The following BICRAL variants were observed in gnomAD, a reference collection of about 807,000 sequenced individuals.
BICRAL encodes BRD4-interacting chromatin-remodeling complex-associated protein-like.
In BICRAL, 8 loss-of-function variants were observed where a neutral mutation model predicts 91.8. The observed-to-expected ratio is 0.09, with a 90% CI of 0.05 to 0.16. The LOEUF (loss-of-function observed/expected upper bound fraction) is 0.16. BICRAL is among the 10% of genes least tolerant of loss of function. BICRAL has a pLI of 1.00. For missense variants in BICRAL, 1,038 were observed against 1,310.9 expected, an observed-to-expected ratio of 0.79 and a Z score of 3.21; for synonymous variants, 445 against 491.1, an observed-to-expected ratio of 0.91 and a Z score of 1.24.
intron 6 of BICRAL, among the ~76,000 whole-genome samples, chr6:42,850,045 A>G (rs1765130529): frequency 6.7e-6 from 1 of 149,936 alleles, no homozygotes; most frequent in South Asian, 2.1e-4. Flanking sequence ...TCAATAAATA[A>G]ATAAAATAAA....
At chr6:42,756,921 C>CG (rs1762471030) in intron 1 of BICRAL, among the ~76,000 whole-genome samples, 1 of 44,516 alleles carries the variant, frequency 2.2e-5, no homozygotes, top group African/African-American at 9.5e-5. Flanking sequence ...TCTCCCTCTC[C>CG]CCCCCCCCCA....
chr6:42,756,733 C>T (rs1237045348), intron 1 of BICRAL, among the ~76,000 whole-genome samples: 1 of 152,088 alleles, frequency 6.6e-6, no homozygotes, highest in African/African-American at 2.4e-5. Flanking sequence ...AATAATTTCT[C>T]ACAATTCTGT....
At chr6:42,788,717 A>G (rs1763177554) in intron 1 of BICRAL, among the ~76,000 whole-genome samples, 1 of 152,170 alleles carries the variant, frequency 6.6e-6, no homozygotes, top group African/African-American at 2.4e-5. Context: ...GACTTAAACA[A>G]AGAAGGGGTA....
At chr6:42,844,234 T>A (rs114466771) in intron 6 of BICRAL, among the ~76,000 whole-genome samples, 53,246 of 148,212 alleles carry the variant, frequency 0.36, 9,691 homozygotes, top group South Asian at 0.48. Context: ...AGGATGGGCT[T>A]GGCACGGTGG....
In BICRAL at chr6:42,828,919, G is replaced by A. The variant is rs1405278717; in HGVS notation, c.586G>A (p.Val196Ile). Reference protein sequence around the residue: ...HGFMQHVGISVPSQHLSNSSQ... With the variant: ...HGFMQHVGISIPSQHLSNSSQ... ...CTTTATGCAACATGTGGGGATCAGT[G>A]TTCCCAGCCAGCATTTGTCTAATAG... Residue 196 changes from valine to isoleucine, a missense_variant, in exon 6 of 13, where the codon GTT becomes ATT. Val to Ile is a conservative substitution (Grantham distance 29, BLOSUM62 3). This residue lies in a region of BICRAL where 532 missense variants were observed against 724.9 expected (regional missense o/e 0.73). Transcript: ENST00000314073. The A allele has an allele frequency of 2.5e-6, 4 of 1,614,058 alleles. No homozygotes were observed. The Admixed American group carries it at 6.7e-5, about 27-fold the overall frequency.
chr6:42,791,163 C>G (rs1763262080), intron 1 of BICRAL, among the ~76,000 whole-genome samples: 4 of 151,734 alleles, frequency 2.6e-5, no homozygotes, highest in Admixed American at 1.3e-4. Flanking sequence ...GTTTTCTCTT[C>G]CCTACCTCGT....
chr6:42,763,548 C>T (rs529955251), intron 1 of BICRAL, among the ~76,000 whole-genome samples: 93 of 152,182 alleles, frequency 6.1e-4, no homozygotes, highest in African/African-American at 2.1e-3. Flanking sequence ...CAGCTGGGTG[C>T]GGTGGCTCAC....
chr6:42,863,013 C>T (rs1765600240), intron 12 of BICRAL, among the ~76,000 whole-genome samples: 2 of 151,330 alleles, frequency 1.3e-5, no homozygotes, highest in Non-Finnish European at 2.9e-5. Context: ...CTGCCTCCAT[C>T]TGTACCCTCA....
chr6:42,759,341 C>T (rs939544184), intron 1 of BICRAL, among the ~76,000 whole-genome samples: 2 of 152,132 alleles, frequency 1.3e-5, no homozygotes, highest in Admixed American at 6.5e-5. Flanking sequence ...CCTTTTTTCC[C>T]CCTTTAACAA....
At chr6:42,768,419 GGTT>G (rs1019211195) in intron 1 of BICRAL, among the ~76,000 whole-genome samples, 3 of 152,158 alleles carry the variant, frequency 2.0e-5, no homozygotes, top group Non-Finnish European at 4.4e-5. Flanking sequence ...ATCTTTGGTG[GGTT>G]GTTGTTCTCT....
At chr6:42,840,017 C>A (rs1764738800) in intron 6 of BICRAL, among the ~76,000 whole-genome samples, 3 of 152,104 alleles carry the variant, frequency 2.0e-5, no homozygotes, top group Admixed American at 1.3e-4. Context: ...GCTAAGGAGA[C>A]AATTTAAAAT....
chr6:42,765,831 G>C (rs1762622785), intron 1 of BICRAL, among the ~76,000 whole-genome samples: 1 of 152,034 alleles, frequency 6.6e-6, no homozygotes, highest in Non-Finnish European at 1.5e-5. Flanking sequence ...GGTGAGCATT[G>C]ATTTGAGGCA....
At chr6:42,831,591 TC>T (rs775080765) in intron 6 of BICRAL, among the ~76,000 whole-genome samples, 56 of 152,226 alleles carry the variant, frequency 3.7e-4, no homozygotes, top group Non-Finnish European at 7.4e-4. Flanking sequence ...CTGAGCATGC[TC>T]CATAGTTCCA....
At chr6:42,859,259 G>C (rs9462841) in intron 10 of BICRAL, among the ~76,000 whole-genome samples, 10,964 of 151,884 alleles carry the variant, frequency 0.072, 1,300 homozygotes, top group African/African-American at 0.25. Flanking sequence ...GGGCATGGTG[G>C]TGCACACCTG....
At chr6:42,762,498 A>C (rs1233874394) in intron 1 of BICRAL, among the ~76,000 whole-genome samples, 1 of 152,242 alleles carries the variant, frequency 6.6e-6, no homozygotes, top group African/African-American at 2.4e-5. Context: ...AAGGGCATGT[A>C]AAACACTTGT....
chr6:42,858,291 C>T lies in BICRAL; in HGVS notation c.2254+1055C>T, dbSNP rs186614381. ...AGCACTTTGGGAGGCTGAGGCAGGC[C>T]GATCACCTGAGGTCAGGAGTTCAAG... On this transcript the variant is annotated intron_variant, in intron 10 of 12. Transcript: ENST00000314073. 2.8e-5 allele frequency among the ~76,000 whole-genome samples: 4 copies of T among 143,860 alleles called. 2 individuals carry two copies. Among genetic ancestry groups the T allele is most frequent in the East Asian group, 4.2e-4 (2 of 4,706 alleles). The allele number at this position is 143,860 out of a possible 152,430, so 94.4% of individuals were successfully genotyped here.
chr6:42,789,050 T>C (rs1383478253), intron 1 of BICRAL, among the ~76,000 whole-genome samples: 1 of 152,154 alleles, frequency 6.6e-6, no homozygotes, highest in Non-Finnish European at 1.5e-5. Flanking sequence ...ATTTTGATGA[T>C]GAACCTTGAA....
chr6:42,798,184 T>C (rs9357405), intron 1 of BICRAL, among the ~76,000 whole-genome samples: 71,843 of 150,808 alleles, frequency 0.48, 18,700 homozygotes, highest in African/African-American at 0.7. Flanking sequence ...CTAGAGACTT[T>C]AAAAGGGGGT....
At chr6:42,862,466 T>G (rs1002102939) in intron 11 of BICRAL, 44 bp from the exon 12 acceptor site, 13 of 1,294,898 alleles carry the variant, frequency 1.0e-5, no homozygotes, top group Non-Finnish European at 1.5e-5. Flanking sequence ...AGCAACCATT[T>G]TTTAAAAATT....
Sources: allele counts gnomAD v4.1 joint callset (sites outside exome capture counted in the v4.1 genomes callset), GRCh38; gene constraint gnomAD v4.1.1; regional missense constraint gnomAD v4.1.1; transcripts MANE v1.5; gene names NCBI Gene and HGNC (gene_info 2026-07-23, HGNC 2026-07-21).